The following CAND2 variants were observed in gnomAD, a reference collection of about 807,000 sequenced individuals.
CAND2 encodes the protein cullin-associated NEDD8-dissociated protein 2.
Under a neutral mutation model 98.9 loss-of-function variants are expected in CAND2, and 62 were observed. The observed-to-expected ratio is 0.63, with a 90% confidence interval of 0.51 to 0.77. CAND2 has a LOEUF of 0.77. CAND2 is among the 30% of genes least tolerant of loss of function. CAND2 has a pLI of 0.00. For synonymous variants in CAND2, 770 were observed against 731.9 expected, an observed-to-expected ratio of 1.05 and a Z score of -0.84; for missense variants, 1,501 against 1,655.2, an observed-to-expected ratio of 0.91 and a Z score of 1.62.
At chr3:12,805,783 C>T (rs1031005530) in intron 2 of CAND2, among the ~76,000 whole-genome samples, 8 of 152,204 alleles carry the variant, frequency 5.3e-5, no homozygotes, top group Non-Finnish European at 8.8e-5. Flanking sequence ...GGCCTTTTGC[C>T]TATACAAATG....
At position 12,817,681 on chromosome 3, in the gene CAND2, T is replaced by G. The variant is rs770022068; in HGVS notation, c.2749T>G (p.Ser917Ala). The change falls in exon 10 of 15, where the codon TCA (serine) becomes GCA (alanine). Residue 917 changes from serine to alanine, a missense_variant. Physicochemically the swap from Ser to Ala is moderately conservative, Grantham distance 99 (BLOSUM62 1). This residue lies in a region of CAND2 where 1,427 missense variants were observed against 1,545.3 expected (regional missense o/e 0.92). Transcript: ENST00000456430. ...CCGACGACAGTACCTGCTGCTGCAC[T>G]CACTCAGGGAGGCCCTGGGGGCCGC... is the stretch of plus-strand genomic sequence containing the variant. Reference protein sequence around the residue: ...EPRRQYLLLHSLREALGAAQP... With the variant: ...EPRRQYLLLHALREALGAAQP... 6.2e-7 allele frequency: 1 copy of G among 1,606,600 alleles called. No homozygotes were observed. Among genetic ancestry groups the G allele is most frequent in the South Asian group, 1.1e-5 (1 of 89,964 alleles).
chr3:12,834,259 T>C lies in CAND2; in HGVS notation c.*277T>C. On this transcript the variant is annotated 3_prime_UTR_variant, in exon 15 of 15. Transcript: ENST00000456430. ...AGGAAGTTTTCCAGTGACTTCACACTGTACCCCTCCATAGTCTGTCTGGTT... is the reference window on the plus strand; with the variant it reads ...AGGAAGTTTTCCAGTGACTTCACACCGTACCCCTCCATAGTCTGTCTGGTT... 6.4e-6 allele frequency: 3 copies of C among 470,284 alleles called. No homozygotes were observed. The highest frequency in any genetic ancestry group is 2.5e-5 in the South Asian group (1 of 40,620). The allele number at this position is 470,284 out of a possible 1,614,324, so 29.1% of individuals were successfully genotyped here.
intron 4 of CAND2, among the ~76,000 whole-genome samples, chr3:12,808,777 G>A (rs914638616): frequency 5.9e-5 from 9 of 152,188 alleles, no homozygotes; most frequent in African/African-American, 2.2e-4. Flanking sequence ...TTCGAGGAGG[G>A]GCAGGACTTA....
chr3:12,802,656 G>T (rs749299100), intron 1 of CAND2, among the ~76,000 whole-genome samples: 43 of 152,344 alleles, frequency 2.8e-4, no homozygotes, highest in Non-Finnish European at 5.7e-4. Flanking sequence ...ACATATGTGG[G>T]TCTCCTTGTA....
Position 12,817,225 on chromosome 3 carries a change from G to T in CAND2, c.2293G>T (p.Val765Leu). Reference sequence around the variant, plus strand: ...TGCTGAAGGCTTCCTGCAGGCCCTGGTAGGGACCCGTCCCCCGTGTGTGGA... The same window carrying T: ...TGCTGAAGGCTTCCTGCAGGCCCTGTTAGGGACCCGTCCCCCGTGTGTGGA... ...AAAEGFLQALVGTRPPCVDYA... is the reference protein window; with the variant it reads ...AAAEGFLQALLGTRPPCVDYA... The change falls in exon 10 of 15, where the codon GTA (valine) becomes TTA (leucine). Residue 765 changes from valine to leucine, a missense_variant. Val to Leu is a conservative substitution (Grantham distance 32). This residue lies in a region of CAND2 where 1,427 missense variants were observed against 1,545.3 expected (regional missense o/e 0.92). Coordinates refer to ENST00000456430, the MANE Select transcript of CAND2 (RefSeq NM_001162499.2). 1 of 1,613,730 alleles carries T rather than the reference G, an allele frequency of 6.2e-7. No individual in the cohort carries two copies.
At chr3:12,820,925 A>G (rs2061952559) in intron 11 of CAND2, among the ~76,000 whole-genome samples, 1 of 152,128 alleles carries the variant, frequency 6.6e-6, no homozygotes, top group Non-Finnish European at 1.5e-5. Context: ...AAGTCTTCTC[A>G]TCCTCAGCTA....
Position 12,817,591 on chromosome 3 carries a change from CGT to C in CAND2, c.2663_2664del (p.Val888GlyfsTer19), listed in dbSNP as rs2061919516. The C allele has an allele frequency of 1.2e-6, 2 of 1,613,892 alleles. No homozygotes were observed. The highest frequency in any genetic ancestry group is 2.2e-5 in the South Asian group (2 of 91,084). On this transcript the variant is annotated frameshift_variant, in exon 10 of 15. Transcript: ENST00000456430. LOFTEE classifies it high-confidence loss of function. ...VRAAASYALG[R>X]VGAGSLPDFL... Reference sequence around the variant, plus strand: ...GGCTGCAGCCTCGTATGCACTGGGCCGTGTGGGTGCTGGCAGCCTGCCCGACT... The same window carrying C: ...GGCTGCAGCCTCGTATGCACTGGGCCGTGGGTGCTGGCAGCCTGCCCGACT...
At chr3:12,797,904 A>C (rs2061737861) in intron 1 of CAND2, among the ~76,000 whole-genome samples, 1 of 151,452 alleles carries the variant, frequency 6.6e-6, no homozygotes, top group Non-Finnish European at 1.5e-5. Flanking sequence ...TCTGACTCCT[A>C]CTCTTCTCCT....
intron 4 of CAND2, 113 bp from the exon 5 acceptor site, chr3:12,809,946 T>A: frequency 8.3e-7 from 1 of 1,199,846 alleles, no homozygotes; most frequent in Non-Finnish European, 1.1e-6. Context: ...GCAAGGGCCA[T>A]TGAGTTGCCA....
At chr3:12,808,424 A>C in intron 4 of CAND2, 91 bp downstream of exon 4, 1 of 1,398,412 alleles carries the variant, frequency 7.2e-7, no homozygotes, top group Non-Finnish European at 9.8e-7. Flanking sequence ...ACTGCACACC[A>C]GGCCCTGTGC....
chr3:12,810,944 T>G (rs924222491), intron 5 of CAND2, among the ~76,000 whole-genome samples: 53 of 152,236 alleles, frequency 3.5e-4, no homozygotes, highest in African/African-American at 1.3e-3. Context: ...CTGATCTGCT[T>G]TCTGTCACTA....
rs1392836335 is a variant in CAND2 at position 12,816,700 on chromosome 3, C to T, written c.1768C>T (p.Arg590Trp). ...TGACCTGGACCAGGAGGTGAAGGAGCGGGCCATTTCCTGCATGGGCCACCT... is the reference window on the plus strand; with the variant it reads ...TGACCTGGACCAGGAGGTGAAGGAGTGGGCCATTTCCTGCATGGGCCACCT... ...ATDLDQEVKE[R>W]AISCMGHLVG... Residue 590 changes from arginine (R) to tryptophan (W), a missense_variant, in exon 10 of 15, where the codon CGG (arginine) becomes TGG (tryptophan). By Grantham distance (101) the Arg-to-Trp change is moderately radical. Around this residue, in one of 3 missense-constraint regions of CAND2, gnomAD observed 1,427 missense variants for 1,545.3 expected, o/e 0.92. Coordinates refer to ENST00000456430, the MANE Select transcript of CAND2 (RefSeq NM_001162499.2). 9 of 1,613,688 alleles carry T rather than the reference C, an allele frequency of 5.6e-6. No homozygotes were observed. Among genetic ancestry groups the T allele is most frequent in the Non-Finnish European group, 6.8e-6 (8 of 1,180,034 alleles).
intron 5 of CAND2, among the ~76,000 whole-genome samples, chr3:12,812,221 C>CTTTGTTTTTTTTT (rs2061857180): frequency 1.3e-5 from 1 of 74,514 alleles, no homozygotes; most frequent in Non-Finnish European, 2.5e-5. Flanking sequence ...AGCTGTTTAT[C>CTTTGTTTTTTTTT]TTTTTTTTTT....
chr3:12,813,522 C>T (rs145197299), intron 7 of CAND2, 134 bp downstream of exon 7: 10 of 775,118 alleles, frequency 1.3e-5, no homozygotes, highest in African/African-American at 8.7e-5. Flanking sequence ...TCCAGTCCCA[C>T]CCGCTGTGAC....
intron 1 of CAND2, among the ~76,000 whole-genome samples, chr3:12,797,517 C>G (rs2061735437): frequency 6.6e-6 from 1 of 152,052 alleles, no homozygotes; most frequent in Non-Finnish European, 1.5e-5. Context: ...CTTTCCCCCT[C>G]TCACAGCATC....
intron 11 of CAND2, among the ~76,000 whole-genome samples, chr3:12,823,699 C>T (rs1191227742): frequency 6.6e-6 from 1 of 151,586 alleles, no homozygotes; most frequent in East Asian, 1.9e-4. Context: ...CACTGCACTC[C>T]AGTCTGGGCG....
chr3:12,824,426 A>G (rs1254457980), intron 11 of CAND2, among the ~76,000 whole-genome samples: 1 of 152,194 alleles, frequency 6.6e-6, no homozygotes, highest in Admixed American at 6.5e-5. Flanking sequence ...GGCAGAAGTG[A>G]GCATGGGAGA....
rs1000550195 is a variant in CAND2, at chr3:12,816,844, G to A, written c.1912G>A (p.Ala638Thr). 3 of 1,613,816 alleles carry A rather than the reference G, an allele frequency of 1.9e-6. No individual in the cohort carries two copies. Among genetic ancestry groups the A allele is most frequent in the Middle Eastern group, 1.6e-4 (1 of 6,062 alleles). ...CGCCATCAAGGCGCTTACGCTGGTG[G>A]CCGTATCCCCACTACAGCTTGACCT... is the stretch of plus-strand genomic sequence containing the variant. ...LPAIKALTLVAVSPLQLDLQP... is the reference protein window; with the variant it reads ...LPAIKALTLVTVSPLQLDLQP... The change falls in exon 10 of 15, where the codon GCC (alanine) becomes ACC (threonine). Residue 638 changes from alanine to threonine, a missense_variant. Physicochemically the swap from Ala to Thr is moderately conservative, Grantham distance 58. Coordinates refer to ENST00000456430, the MANE Select transcript of CAND2 (RefSeq NM_001162499.2).
Position 12,831,455 on chromosome 3 carries a change from C to A in CAND2, c.3376-10C>A. 6.2e-7 allele frequency: 1 copy of A among 1,610,562 alleles called. No individual in the cohort carries two copies. Among genetic ancestry groups the A allele is most frequent in the Non-Finnish European group, 8.5e-7 (1 of 1,176,984 alleles). Reference sequence around the variant, plus strand: ...CATTTCACTAAGAACCATCTCCTTCCTCTGGGCAGATGCTGACCTTCATCA... The same window carrying A: ...CATTTCACTAAGAACCATCTCCTTCATCTGGGCAGATGCTGACCTTCATCA... On this transcript the variant is annotated splice_polypyrimidine_tract_variant and intron_variant, in intron 13 of 14. Coordinates refer to ENST00000456430, the MANE Select transcript of CAND2 (RefSeq NM_001162499.2).
Sources: allele counts gnomAD v4.1 joint callset (sites outside exome capture counted in the v4.1 genomes callset), GRCh38; gene constraint gnomAD v4.1.1; regional missense constraint gnomAD v4.1.1; transcripts MANE v1.5; gene names NCBI Gene and HGNC (gene_info 2026-07-23, HGNC 2026-07-21).